Variants in HS3ST5 observed in about 807,000 individuals in gnomAD.
The protein encoded by HS3ST5 is heparan sulfate glucosamine 3-O-sulfotransferase 5.
In HS3ST5, 10 loss-of-function variants were observed where a neutral mutation model predicts 25.4. The observed-to-expected ratio is 0.39, with a 90% CI of 0.24 to 0.67. The LOEUF (loss-of-function observed/expected upper bound fraction) is 0.67. Among genes scored for constraint, HS3ST5 ranks in the 30% least tolerant of loss-of-function variants. The pLI is 0.44. For synonymous variants in HS3ST5, 170 were observed against 162.4 expected (o/e 1.05, Z -0.36); for missense variants, 324 against 420.7 (o/e 0.77, Z 2.01).
intron 2 of HS3ST5, among the ~76,000 whole-genome samples, chr6:114,216,518 G>A (rs1276920398): frequency 1.3e-5 from 2 of 152,052 alleles, no homozygotes; most frequent in African/African-American, 2.4e-5. Flanking sequence ...TTACACTACA[G>A]TAGACATACA....
At chr6:114,260,389 TTAAC>T (rs1773119078) in intron 1 of HS3ST5, among the ~76,000 whole-genome samples, 1 of 152,202 alleles carries the variant, frequency 6.6e-6, no homozygotes, top group Admixed American at 6.5e-5. Context: ...TTCAATGAGT[TTAAC>T]TATAAATAAT....
intron 2 of HS3ST5, among the ~76,000 whole-genome samples, chr6:114,218,152 C>G (rs1781859604): frequency 6.6e-6 from 1 of 152,094 alleles, no homozygotes; most frequent in Non-Finnish European, 1.5e-5. Context: ...TGCCTGCTAC[C>G]ATGCCCAGTT....
chr6:114,254,414 A>G (rs764699276), intron 1 of HS3ST5, among the ~76,000 whole-genome samples: 2 of 152,238 alleles, frequency 1.3e-5, no homozygotes, highest in Non-Finnish European at 2.9e-5. Flanking sequence ...TGCTAGGCTG[A>G]GGCTATAAAG....
intron 1 of HS3ST5, among the ~76,000 whole-genome samples, chr6:114,339,958 T>C (rs1776757688): frequency 6.6e-6 from 1 of 152,236 alleles, no homozygotes; most frequent in Admixed American, 6.5e-5. Flanking sequence ...GGAGTAAGCT[T>C]CCTGCTTCTA....
chr6:114,296,230 T>C (rs939356152), intron 1 of HS3ST5, among the ~76,000 whole-genome samples: 15 of 152,208 alleles, frequency 9.9e-5, no homozygotes, highest in Non-Finnish European at 2.9e-5. Flanking sequence ...ATGTCAACTA[T>C]ACTTCAATCT....
chr6:114,202,140 G>C (rs571254869), intron 2 of HS3ST5, among the ~76,000 whole-genome samples: 281 of 152,164 alleles, frequency 1.8e-3, no homozygotes, highest in Admixed American at 3.1e-3. Context: ...ATTTCAAAAG[G>C]CCGGGGAAAA....
intron 3 of HS3ST5, among the ~76,000 whole-genome samples, chr6:114,146,416 C>T (rs779758551): frequency 1.5e-4 from 23 of 152,126 alleles, no homozygotes; most frequent in African/African-American, 3.6e-4. Context: ...AATCCCTAAA[C>T]GAGGTCCCCA....
At chr6:114,296,990 T>C (rs1333895209) in intron 1 of HS3ST5, among the ~76,000 whole-genome samples, 1 of 152,120 alleles carries the variant, frequency 6.6e-6, no homozygotes, top group African/African-American at 2.4e-5. Flanking sequence ...TACACGCTTC[T>C]CTGTAAAAAC....
At chr6:114,227,907 A>T (rs903917557) in intron 2 of HS3ST5, among the ~76,000 whole-genome samples, 7 of 152,236 alleles carry the variant, frequency 4.6e-5, no homozygotes, top group African/African-American at 1.7e-4. Context: ...AGATAGTGAC[A>T]CCTGGGAATT....
At chr6:114,192,813 G>A (rs578188447) in intron 2 of HS3ST5, among the ~76,000 whole-genome samples, 108 of 152,232 alleles carry the variant, frequency 7.1e-4, no homozygotes, top group Non-Finnish European at 5.4e-4. Flanking sequence ...ATACTGTAAC[G>A]TCAGTCAAAA....
intron 3 of HS3ST5, among the ~76,000 whole-genome samples, chr6:114,129,470 T>C (rs978710411): frequency 6.6e-6 from 1 of 152,072 alleles, no homozygotes; most frequent in Non-Finnish European, 1.5e-5. Context: ...TTAGCCAGGA[T>C]GGTCTCGATC....
At chr6:114,159,304 G>T (rs59992408) in intron 3 of HS3ST5, among the ~76,000 whole-genome samples, 2,584 of 152,220 alleles carry the variant, frequency 0.017, 72 homozygotes, top group African/African-American at 0.06. Context: ...GCTCATAGTA[G>T]CATTTTTTTC....
chr6:114,267,878 T>A (rs1773475525), intron 1 of HS3ST5, among the ~76,000 whole-genome samples: 1 of 152,178 alleles, frequency 6.6e-6, no homozygotes, highest in Non-Finnish European at 1.5e-5. Context: ...CTAGAAAAAC[T>A]TTTATTATTA....
At chr6:114,148,508 C>CTG (rs1166740866) in intron 3 of HS3ST5, among the ~76,000 whole-genome samples, 3 of 152,144 alleles carry the variant, frequency 2.0e-5, no homozygotes, top group African/African-American at 7.2e-5. Flanking sequence ...GTAATCCCAG[C>CTG]TACTCAGGAG....
At chr6:114,193,823 G>A (rs780966736) in intron 2 of HS3ST5, among the ~76,000 whole-genome samples, 12 of 152,080 alleles carry the variant, frequency 7.9e-5, no homozygotes, top group African/African-American at 2.9e-4. Flanking sequence ...TTAGATTATG[G>A]TTATACATTC....
At chr6:114,255,073 A>G (rs1390991064) in intron 1 of HS3ST5, among the ~76,000 whole-genome samples, 1 of 152,246 alleles carries the variant, frequency 6.6e-6, no homozygotes, top group Non-Finnish European at 1.5e-5. Flanking sequence ...TGACTTCCAC[A>G]TATGAGCCTG....
intron 1 of HS3ST5, among the ~76,000 whole-genome samples, chr6:114,301,254 A>G (rs757104178): frequency 2.0e-5 from 3 of 152,232 alleles, no homozygotes; most frequent in Non-Finnish European, 4.4e-5. Flanking sequence ...TATGTTATTA[A>G]TAATAAGTTC....
intron 3 of HS3ST5, among the ~76,000 whole-genome samples, chr6:114,093,057 C>T (rs1205218811): frequency 1.3e-5 from 2 of 152,122 alleles, no homozygotes; most frequent in Non-Finnish European, 2.9e-5. Flanking sequence ...CCACATGTTA[C>T]AGATTAGTGA....
chr6:114,071,310 T>C (rs1021285553), intron 3 of HS3ST5, among the ~76,000 whole-genome samples: 2 of 152,206 alleles, frequency 1.3e-5, no homozygotes, highest in African/African-American at 4.8e-5. Flanking sequence ...GACACGTAGA[T>C]GGATGCTTGC....
Sources: gnomAD v4.1 joint callset for allele counts (sites outside exome capture counted in the v4.1 genomes callset) on GRCh38, gnomAD v4.1.1 for gene constraint, MANE v1.5 for transcripts, NCBI Gene and HGNC (gene_info 2026-07-23, HGNC 2026-07-21) for gene names.